METTL21A: variants seen among roughly 807,000 people sequenced by gnomAD.
METTL21A encodes the protein methyltransferase 21A, HSPA lysine.
A neutral mutation model predicts 20.9 loss-of-function variants in METTL21A; 22 were observed. The observed-to-expected ratio is 1.05, with a 90% CI of 0.75 to 1.50. The LOEUF (loss-of-function observed/expected upper bound fraction) is 1.50, where lower values mean the gene tolerates loss of function less well. METTL21A is among the 40% of genes most tolerant of loss of function. The pLI is 0.00. For missense variants in METTL21A, 271 were observed against 266.8 expected (o/e 1.02, Z -0.11); for synonymous variants, 93 against 102.0 (o/e 0.91, Z 0.53).
chr2:207,607,005 A>C (rs1009637069), downstream of METTL21A, among the ~76,000 whole-genome samples: 2 of 152,170 alleles, frequency 1.3e-5, no homozygotes, highest in Admixed American at 1.3e-4. Flanking sequence ...TAAATTAGGC[A>C]TATGGTAACT....
intron 3 of METTL21A, among the ~76,000 whole-genome samples, chr2:207,590,562 C>T (rs1346904212): frequency 1.3e-5 from 2 of 151,708 alleles, no homozygotes; most frequent in East Asian, 3.9e-4. Context: ...TTAATATATA[C>T]CTTTGTCTTA....
intron 3 of METTL21A, chr2:207,582,265 T>C: frequency 1.5e-6 from 1 of 663,432 alleles, no homozygotes; most frequent in Non-Finnish European, 2.7e-6. Context: ...GATATATTCT[T>C]TTCTCTTTAA....
At chr2:207,583,921 C>A (rs2083373246) in intron 3 of METTL21A, among the ~76,000 whole-genome samples, 2 of 152,200 alleles carry the variant, frequency 1.3e-5, no homozygotes, top group African/African-American at 4.8e-5. Flanking sequence ...TAAATGGTAT[C>A]TTAAATTATA....
chr2:207,583,692 TA>T lies in METTL21A; in HGVS notation c.260-1533del, dbSNP rs2083331281. Among the ~76,000 whole-genome samples, 15 of 152,342 alleles carry T rather than the reference TA, an allele frequency of 9.8e-5. No homozygotes were observed. In the South Asian group the frequency reaches 3.1e-3, roughly 32 times the overall value. Reference sequence around the variant, plus strand: ...TTTTATCCTTAAATTTGCATATACATAAGTTCACTCTTTGTGCTGTATAGTT... The same window carrying T: ...TTTTATCCTTAAATTTGCATATACATAGTTCACTCTTTGTGCTGTATAGTT... On this transcript the variant is annotated intron_variant, in intron 3 of 3. Transcript: ENST00000425132.
intron 3 of METTL21A, chr2:207,602,671 T>C (rs1158168704): frequency 1.4e-5 from 3 of 210,078 alleles, no homozygotes; most frequent in Non-Finnish European, 1.9e-5. Context: ...TATTTTCTTA[T>C]GTTTTTAAAA....
intron 3 of METTL21A, chr2:207,602,684 G>T: frequency 4.8e-6 from 1 of 209,668 alleles, no homozygotes; most frequent in Non-Finnish European, 9.7e-6. Flanking sequence ...TTTTAAAATT[G>T]GTAAATGCTT....
intron 3 of METTL21A, chr2:207,599,019 T>C (rs2086631516): frequency 5.4e-6 from 1 of 185,966 alleles, no homozygotes; most frequent in South Asian, 1.9e-4. Flanking sequence ...AAAATAAGAT[T>C]TTAATTAACA....
At chr2:207,607,973 C>G (rs2106828036), downstream of METTL21A, among the ~76,000 whole-genome samples, 1 of 152,192 alleles carries the variant, frequency 6.6e-6, no homozygotes, top group East Asian at 1.9e-4. Context: ...CGCGCTCGCT[C>G]TCCTCTCACA....
At chr2:207,582,797 G>A in intron 3 of METTL21A, 1 of 289,220 alleles carries the variant, frequency 3.5e-6, no homozygotes, top group Non-Finnish European at 7.1e-6. Flanking sequence ...GGCGGCTGAG[G>A]CAGAAGAATT....
chr2:207,620,621 G>T, intron 3 of METTL21A: 1 of 1,498,116 alleles, frequency 6.7e-7, no homozygotes, highest in Non-Finnish European at 8.9e-7. Context: ...TAACATACAC[G>T]GGAATGTTCT....
At chr2:207,612,087 C>CTTTT (rs57522071), downstream of METTL21A, 7 of 18,758 alleles carry the variant, frequency 3.7e-4, 3 homozygotes, top group Non-Finnish European at 6.3e-4. Context: ...ATTTCAGGTG[C>CTTTT]TTTTTTTTTT....
chr2:207,587,310 G>A (rs1341984613), intron 3 of METTL21A, among the ~76,000 whole-genome samples: 5 of 151,124 alleles, frequency 3.3e-5, no homozygotes, highest in Admixed American at 6.6e-5. Flanking sequence ...GGAGAATGGC[G>A]TGAACCCGGA....
At chr2:207,603,088 T>A (rs115526431) in intron 3 of METTL21A, 12 of 210,962 alleles carry the variant, frequency 5.7e-5, no homozygotes, top group Non-Finnish European at 1.1e-4. Context: ...TGGAGTTGAA[T>A]ACTAAATAAA....
At chr2:207,597,228 AATGTT>A in intron 3 of METTL21A, 1 of 677,022 alleles carries the variant, frequency 1.5e-6, no homozygotes, top group Non-Finnish European at 2.3e-6. Flanking sequence ...TTAAACTGTG[AATGTT>A]CCAACACCTG....
chr2:207,582,188 G>A (rs1385601137), intron 3 of METTL21A: 1 of 702,862 alleles, frequency 1.4e-6, no homozygotes, highest in Non-Finnish European at 2.6e-6. Flanking sequence ...AAAGAAATTT[G>A]TGGTCATATG....
chr2:207,590,362 T>C (rs776010097), intron 3 of METTL21A, among the ~76,000 whole-genome samples: 1 of 151,918 alleles, frequency 6.6e-6, no homozygotes, highest in Admixed American at 6.6e-5. Flanking sequence ...CCTTTTTTTT[T>C]AAGTCTGGCT....
At chr2:207,586,399 T>A (rs1041007292) in intron 3 of METTL21A, among the ~76,000 whole-genome samples, 1 of 152,106 alleles carries the variant, frequency 6.6e-6, no homozygotes, top group Non-Finnish European at 1.5e-5. Flanking sequence ...CCTATCACCA[T>A]ACCCAAAAAT....
intron 3 of METTL21A, among the ~76,000 whole-genome samples, chr2:207,584,838 A>C (rs1049780899): frequency 1.3e-5 from 2 of 152,178 alleles, no homozygotes; most frequent in Non-Finnish European, 2.9e-5. Context: ...TGTCAGAGCA[A>C]GTATTTTCTT....
At chr2:207,620,843 G>A in intron 3 of METTL21A, 1 of 617,092 alleles carries the variant, frequency 1.6e-6, no homozygotes, top group South Asian at 2.2e-5. Flanking sequence ...AAAACAGGCA[G>A]GACAAAAGAG....
Sources: allele counts gnomAD v4.1 joint callset (sites outside exome capture counted in the v4.1 genomes callset), GRCh38; gene constraint gnomAD v4.1.1; transcripts MANE v1.5; gene names NCBI Gene and HGNC (gene_info 2026-07-23, HGNC 2026-07-21).